GRIA3: variants seen among roughly 807,000 people sequenced by gnomAD.
The protein encoded by GRIA3 is glutamate receptor 3.
A neutral mutation model predicts 63.0 loss-of-function variants in GRIA3; 3 were observed. That is an observed-to-expected ratio of 0.05 (90% CI 0.02 to 0.12). GRIA3 has a LOEUF of 0.12. Ranked by LOEUF, GRIA3 falls within the 10% of genes least tolerant of loss-of-function variation. The pLI is 1.00. For synonymous variants in GRIA3, 274 were observed against 257.9 expected (o/e 1.06, Z -0.60); for missense variants, 347 against 700.9 (o/e 0.50, Z 5.70).
intron 3 of GRIA3, among the ~76,000 whole-genome samples, chrX:123,274,293 C>T (rs965758864): frequency 1.8e-5 from 2 of 111,799 alleles, no homozygotes; most frequent in South Asian, 3.7e-4. Context: ...AGATCTGTTC[C>T]GCTGCGCATA....
At chrX:123,428,497 T>C (rs1295291466) in intron 12 of GRIA3, among the ~76,000 whole-genome samples, 1 of 111,900 alleles carries the variant, frequency 8.9e-6, no homozygotes, top group East Asian at 2.8e-4. Context: ...TATTCTGCTT[T>C]CTAGCTTTTA....
intron 4 of GRIA3, among the ~76,000 whole-genome samples, chrX:123,351,561 G>GTT (rs2045094365): frequency 9.0e-6 from 1 of 111,569 alleles, no homozygotes; most frequent in Non-Finnish European, 1.9e-5. Flanking sequence ...GATGACTTAG[G>GTT]GAACATCCAT....
chrX:123,390,440 T>A (rs2147375865), intron 5 of GRIA3, among the ~76,000 whole-genome samples: 1 of 112,128 alleles, frequency 8.9e-6, no homozygotes, highest in South Asian at 3.7e-4. Flanking sequence ...TGTTTTGTTT[T>A]GTTTTTTCAG....
intron 12 of GRIA3, among the ~76,000 whole-genome samples, chrX:123,457,311 G>A (rs2045767401): frequency 9.0e-6 from 1 of 111,431 alleles, no homozygotes; most frequent in South Asian, 3.8e-4. Context: ...GACCATGACT[G>A]CTGATACCAG....
intron 12 of GRIA3, among the ~76,000 whole-genome samples, chrX:123,430,753 G>A (rs774875803): frequency 4.5e-5 from 5 of 110,974 alleles, no homozygotes; most frequent in African/African-American, 1.3e-4. Flanking sequence ...GGGAGGCCGA[G>A]GCAGGCAGAT....
At chrX:123,413,341 C>T (rs1432497006) in intron 10 of GRIA3, among the ~76,000 whole-genome samples, 2 of 108,894 alleles carry the variant, frequency 1.8e-5, no homozygotes, top group African/African-American at 3.3e-5. Flanking sequence ...ATCTTTTAGA[C>T]TTAAAAGATG....
chrX:123,335,822 C>A (rs756495413), intron 4 of GRIA3, among the ~76,000 whole-genome samples: 1 of 111,835 alleles, frequency 8.9e-6, no homozygotes, highest in Admixed American at 9.5e-5. Flanking sequence ...GCCCTAATAC[C>A]TCTTACTTCA....
chrX:123,433,613 C>A (rs1381195620), intron 12 of GRIA3, among the ~76,000 whole-genome samples: 1 of 111,922 alleles, frequency 8.9e-6, no homozygotes, highest in East Asian at 2.8e-4. Context: ...ATCCCCATTA[C>A]AGAAAGTTTG....
chrX:123,435,748 C>T (rs767249153), intron 12 of GRIA3, among the ~76,000 whole-genome samples: 1 of 112,049 alleles, frequency 8.9e-6, no homozygotes. Context: ...TAGTTTCTGA[C>T]GTGCTAAGGG....
rs2045959523 is a variant in GRIA3 at position 123,489,735 on chromosome X, T to C, written c.*1025T>C. On this transcript the variant is annotated 3_prime_UTR_variant, in exon 16 of 16. Transcript: ENST00000620443. ...TTCTCTGCTAAGTATGCCTTTCAAG[T>C]GTACACCACGGAGACAGGACCGCGT... The C allele has an allele frequency of 2.7e-5, 3 of 112,368 alleles. No individual in the cohort carries two copies. The highest frequency in any genetic ancestry group is 5.6e-5 in the Non-Finnish European group (3 of 53,225). 9.3% of individuals were successfully genotyped at this position (112,368 alleles called of 1,213,427 possible).
At chrX:123,360,886 C>T (rs1341041194) in intron 5 of GRIA3, among the ~76,000 whole-genome samples, 1 of 105,075 alleles carries the variant, frequency 9.5e-6, no homozygotes, top group Non-Finnish European at 2.0e-5. Context: ...CACACACACA[C>T]ACACACACAC....
chrX:123,417,841 A>C, intron 11 of GRIA3, 63 bp downstream of exon 11: 2 of 975,884 alleles, frequency 2.0e-6, no homozygotes, highest in Non-Finnish European at 2.9e-6. Context: ...ATTCATGTAC[A>C]TATGGTATTC....
intron 13 of GRIA3, among the ~76,000 whole-genome samples, chrX:123,472,756 A>G (rs1292226330): frequency 8.9e-6 from 1 of 112,360 alleles, no homozygotes; most frequent in African/African-American, 3.2e-5. Flanking sequence ...GGCTTTACCC[A>G]TGTGTGTAAG....
intron 4 of GRIA3, among the ~76,000 whole-genome samples, chrX:123,338,344 C>G (rs1445339913): frequency 9.0e-6 from 1 of 111,540 alleles, no homozygotes; most frequent in East Asian, 2.8e-4. Flanking sequence ...GTATGCTTCC[C>G]CAACGACTCT....
At chrX:123,395,548 C>T (rs2045408694) in intron 6 of GRIA3, among the ~76,000 whole-genome samples, 1 of 111,118 alleles carries the variant, frequency 9.0e-6, no homozygotes, top group African/African-American at 3.3e-5. Context: ...CTCAGTACAC[C>T]CAAGTGAATT....
intron 2 of GRIA3, among the ~76,000 whole-genome samples, chrX:123,223,319 T>C (rs2044228720): frequency 8.9e-6 from 1 of 112,856 alleles, no homozygotes; most frequent in Non-Finnish European, 1.9e-5. Flanking sequence ...CAATTTAACA[T>C]ACAAACTGCA....
At chrX:123,475,209 G>A (rs2045881656) in intron 13 of GRIA3, among the ~76,000 whole-genome samples, 1 of 111,684 alleles carries the variant, frequency 9.0e-6, no homozygotes, top group Non-Finnish European at 1.9e-5. Flanking sequence ...GCCACAAAAT[G>A]TTTTCTTAGG....
chrX:123,349,161 C>CA (rs2045075510), intron 4 of GRIA3, among the ~76,000 whole-genome samples: 1 of 112,018 alleles, frequency 8.9e-6, no homozygotes, highest in South Asian at 3.7e-4. Context: ...GCAGATAAGA[C>CA]AAAAATCATT....
intron 6 of GRIA3, among the ~76,000 whole-genome samples, chrX:123,395,792 G>T (rs1459336846): frequency 9.0e-6 from 1 of 111,421 alleles, no homozygotes; most frequent in Non-Finnish European, 1.9e-5. Context: ...TAAATTAGGG[G>T]AAAGTTATTC....
Sources: gnomAD v4.1 joint callset for allele counts (sites outside exome capture counted in the v4.1 genomes callset) on GRCh38, gnomAD v4.1.1 for gene constraint, MANE v1.5 for transcripts, NCBI Gene and HGNC (gene_info 2026-07-23, HGNC 2026-07-21) for gene names.